ANK1: variants seen among roughly 807,000 people sequenced by gnomAD.
The protein encoded by ANK1 is ankyrin-1.
ANK1 carries 51 observed loss-of-function variants against 210.4 expected under a neutral mutation model. The observed-to-expected ratio is 0.24, with a 90% CI of 0.19 to 0.31. The LOEUF is 0.31. ANK1 is among the 10% of genes least tolerant of loss of function. ANK1 has a pLI of 1.00. For missense variants in ANK1, 2,051 were observed against 2,504.4 expected (o/e 0.82, Z 3.86); for synonymous variants, 967 against 1,025.9 (o/e 0.94, Z 1.10).
chr8:41,722,329 C>A (rs886845613), intron 9 of ANK1, among the ~76,000 whole-genome samples: 2 of 152,244 alleles, frequency 1.3e-5, no homozygotes, highest in Non-Finnish European at 2.9e-5. Context: ...CAGAACAGAA[C>A]ATGATAATGT....
chr8:41,832,017 C>T (rs1245104483), intron 1 of ANK1, among the ~76,000 whole-genome samples: 4 of 151,932 alleles, frequency 2.6e-5, no homozygotes, highest in African/African-American at 7.3e-5. Flanking sequence ...GTGGGAAAAG[C>T]GGGGAGGATT....
intron 1 of ANK1, among the ~76,000 whole-genome samples, chr8:41,859,989 G>A (rs1047843101): frequency 4.5e-5 from 3 of 66,772 alleles, no homozygotes; most frequent in African/African-American, 6.6e-5. Context: ...AAGGGAAATG[G>A]GGAGGTGGCC....
At chr8:41,772,819 C>A (rs541482037) in intron 1 of ANK1, among the ~76,000 whole-genome samples, 1 of 152,170 alleles carries the variant, frequency 6.6e-6, no homozygotes, top group African/African-American at 2.4e-5. Context: ...ACCCAAGGAG[C>A]CGCCCCTGCT....
intron 1 of ANK1, among the ~76,000 whole-genome samples, chr8:41,825,091 T>C (rs2150792638): frequency 6.6e-6 from 1 of 152,346 alleles, no homozygotes; most frequent in South Asian, 2.1e-4. Flanking sequence ...GGGAAGTCCT[T>C]GGGGCTGAGC....
chr8:41,778,201 C>T (rs1273913856), intron 1 of ANK1, among the ~76,000 whole-genome samples: 1 of 152,160 alleles, frequency 6.6e-6, no homozygotes, highest in Non-Finnish European at 1.5e-5. Flanking sequence ...CTTGGGAAGA[C>T]TGCAAACTAA....
At chr8:41,838,772 A>ATAATAATAATAG (rs1808301228) in intron 1 of ANK1, among the ~76,000 whole-genome samples, 1 of 148,932 alleles carries the variant, frequency 6.7e-6, no homozygotes, top group Non-Finnish European at 1.5e-5. Flanking sequence ...CTCAAAAATA[A>ATAATAATAATAG]TAATAATAAT....
chr8:41,740,162 ATTTTT>A (rs34773901), intron 2 of ANK1, among the ~76,000 whole-genome samples: 1 of 137,450 alleles, frequency 7.3e-6, no homozygotes, highest in Non-Finnish European at 1.5e-5. Context: ...TTTGTTTTTG[ATTTTT>A]TTTTTTTTTT....
At chr8:41,662,176 G>A (rs1399613172) in intron 40 of ANK1, among the ~76,000 whole-genome samples, 1 of 151,998 alleles carries the variant, frequency 6.6e-6, no homozygotes, top group Non-Finnish European at 1.5e-5. Flanking sequence ...AGAATCACTT[G>A]AACCTGGTGG....
At chr8:41,876,639 T>C (rs921640941) in intron 1 of ANK1, among the ~76,000 whole-genome samples, 1 of 152,226 alleles carries the variant, frequency 6.6e-6, no homozygotes, top group Non-Finnish European at 1.5e-5. Flanking sequence ...GGCTCTGGTT[T>C]CCAGCCTGAA....
intron 1 of ANK1, among the ~76,000 whole-genome samples, chr8:41,813,608 T>C (rs1802818224): frequency 6.6e-6 from 1 of 152,210 alleles, no homozygotes; most frequent in African/African-American, 2.4e-5. Context: ...GCAGCAAGAA[T>C]GGTGATTGAT....
At chr8:41,893,357 A>G (rs1295548454) in intron 1 of ANK1, among the ~76,000 whole-genome samples, 2 of 152,216 alleles carry the variant, frequency 1.3e-5, no homozygotes, top group Non-Finnish European at 2.9e-5. Flanking sequence ...TTGGCTCTGC[A>G]CATGCACAGC....
chr8:41,782,199 G>A (rs368023025), intron 1 of ANK1, among the ~76,000 whole-genome samples: 2 of 152,302 alleles, frequency 1.3e-5, no homozygotes, highest in African/African-American at 4.8e-5. Context: ...GGGGCCACCA[G>A]ATGGAAAAAT....
intron 1 of ANK1, among the ~76,000 whole-genome samples, chr8:41,778,861 C>G (rs1341283163): frequency 1.3e-5 from 2 of 152,168 alleles, no homozygotes; most frequent in Non-Finnish European, 1.5e-5. Context: ...TGTTTAGGAT[C>G]CGACACTGAA....
intron 31 of ANK1, among the ~76,000 whole-genome samples, chr8:41,691,625 CT>C (rs1303749094): frequency 6.6e-6 from 1 of 152,166 alleles, no homozygotes; most frequent in Non-Finnish European, 1.5e-5. Flanking sequence ...CTGTCGAGCC[CT>C]TTCCTCTGCC....
intron 39 of ANK1, chr8:41,663,981 G>C: frequency 3.2e-6 from 2 of 634,880 alleles, no homozygotes; most frequent in Non-Finnish European, 5.8e-6. Context: ...TGTGCACTTG[G>C]CCCTCACAAC....
At chr8:41,682,479 G>A (rs1356716928) in intron 37 of ANK1, among the ~76,000 whole-genome samples, 1 of 152,260 alleles carries the variant, frequency 6.6e-6, no homozygotes, top group African/African-American at 2.4e-5. Context: ...GTCTGGTTGA[G>A]AACAGGTATC....
chr8:41,867,786 C>T (rs927762946), intron 1 of ANK1, among the ~76,000 whole-genome samples: 2 of 152,198 alleles, frequency 1.3e-5, no homozygotes, highest in Non-Finnish European at 2.9e-5. Flanking sequence ...TCCCCAATAC[C>T]TAGCACAGCA....
Position 41,690,547 on chromosome 8 carries a change from A to T in ANK1, c.3911T>A (p.Val1304Glu), listed in dbSNP as rs1055929087. Reference protein sequence around the residue: ...FAELSGNLVPVKKAAQQRSFH... With the variant: ...FAELSGNLVPEKKAAQQRSFH... ...GCTCCGCTGCTGGGCAGCTTTCTTC[A>T]CAGGCACCAGGTTCCCAGAGAGTTC... The change falls in exon 32 of 43, where the codon GTG (valine) becomes GAG (glutamate). Residue 1304 changes from valine to glutamate, a missense_variant. By Grantham distance (121) the Val-to-Glu change is moderately radical. Coordinates refer to ENST00000289734, the MANE Select transcript of ANK1 (RefSeq NM_000037.4). 1.2e-6 allele frequency: 2 copies of T among 1,614,024 alleles called. No individual in the cohort carries two copies. Among genetic ancestry groups the T allele is most frequent in the African/African-American group, 1.3e-5 (1 of 75,062 alleles).
At chr8:41,720,167 T>C (rs1277285677) in intron 9 of ANK1, among the ~76,000 whole-genome samples, 1 of 152,224 alleles carries the variant, frequency 6.6e-6, no homozygotes, top group African/African-American at 2.4e-5. Flanking sequence ...CTTATTCTCA[T>C]ATTTGCCCAA....
Sources: gnomAD v4.1 joint callset for allele counts (sites outside exome capture counted in the v4.1 genomes callset) on GRCh38, gnomAD v4.1.1 for gene constraint, MANE v1.5 for transcripts, NCBI Gene and HGNC (gene_info 2026-07-23, HGNC 2026-07-21) for gene names.